Variants in KCNK9 observed in about 807,000 individuals in gnomAD.
The protein encoded by KCNK9 is potassium two pore domain channel subfamily K member 9, also known as potassium channel subfamily K member 9.
KCNK9 carries 1 observed loss-of-function variant against 10.8 expected under a neutral mutation model. The ratio of observed to expected loss-of-function variants is 0.09; its 90% CI spans 0.03 to 0.44. The LOEUF (loss-of-function observed/expected upper bound fraction) is 0.44. Among genes scored for constraint, KCNK9 ranks in the 20% least tolerant of loss-of-function variants. The pLI is 0.97. For missense variants in KCNK9, 303 were observed against 515.0 expected (o/e 0.59, Z 3.98); for synonymous variants, 231 against 222.7 (o/e 1.04, Z -0.33).
At chr8:139,677,048 A>C (rs1412493528) in intron 1 of KCNK9, among the ~76,000 whole-genome samples, 1 of 152,200 alleles carries the variant, frequency 6.6e-6, no homozygotes, top group Non-Finnish European at 1.5e-5. Context: ...CAAAGACAGG[A>C]TGAAAACCCG....
intron 1 of KCNK9, among the ~76,000 whole-genome samples, chr8:139,672,022 C>T (rs971186837): frequency 4.7e-4 from 71 of 152,326 alleles, no homozygotes; most frequent in African/African-American, 1.6e-3. Context: ...GATGCAGCAT[C>T]GGCTTGAGGC....
chr8:139,611,707 C>G (rs1044073075), downstream of KCNK9: 1 of 152,300 alleles, frequency 6.6e-6, no homozygotes, highest in African/African-American at 2.4e-5. Flanking sequence ...GCTTCCAGCC[C>G]TGTTGTATGG....
At position 139,617,880 on chromosome 8, in the gene KCNK9, C is replaced by A. The variant is rs769733900; in HGVS notation, c.*378G>T. 4 of 312,120 alleles carry A rather than the reference C, an allele frequency of 1.3e-5. No individual in the cohort carries two copies. Among genetic ancestry groups the A allele is most frequent in the Non-Finnish European group, 2.5e-5 (4 of 162,534 alleles). The allele number at this position is 312,120 out of a possible 1,614,324, so 19.3% of individuals were successfully genotyped here. On this transcript the variant is annotated 3_prime_UTR_variant, in exon 2 of 2. Coordinates refer to ENST00000520439, the MANE Select transcript of KCNK9 (RefSeq NM_001282534.2). ...ATTGAAGGCTGAGCGTGATGTGCAG[C>A]TTTGGGGTGGGTATCCTCTCAGCTC...
At chr8:139,683,597 G>T (rs2129771175) in intron 1 of KCNK9, among the ~76,000 whole-genome samples, 1 of 152,352 alleles carries the variant, frequency 6.6e-6, no homozygotes, top group African/African-American at 2.4e-5. Context: ...AGCCAGGTCT[G>T]CCCGAGGGGT....
chr8:139,628,849 C>A lies in KCNK9; in HGVS notation c.284-9750G>T, dbSNP rs572653573. 1.1e-4 allele frequency among the ~76,000 whole-genome samples: 16 copies of A among 152,330 alleles called. 1 individual carries two copies. The South Asian group carries it at 3.1e-3, about 30-fold the overall frequency. On this transcript the variant is annotated intron_variant, in intron 1 of 1. Coordinates refer to ENST00000520439, the MANE Select transcript of KCNK9 (RefSeq NM_001282534.2). ...TCTCCTCTTCTGCTCCATGTAGGGC[C>A]TTGAGTGAGGCCCCCTCAGGAGAGC...
chr8:139,652,946 T>C (rs1309319953), intron 1 of KCNK9, among the ~76,000 whole-genome samples: 5 of 152,188 alleles, frequency 3.3e-5, no homozygotes. Context: ...TTCACCATCT[T>C]CGGGGCAGGG....
chr8:139,678,633 G>A (rs182263745), intron 1 of KCNK9, among the ~76,000 whole-genome samples: 113 of 152,334 alleles, frequency 7.4e-4, no homozygotes, highest in African/African-American at 2.6e-3. Context: ...GCCTCATAGC[G>A]CTGATAGAAA....
At chr8:139,699,861 C>G (rs1817157902) in intron 1 of KCNK9, among the ~76,000 whole-genome samples, 3 of 152,220 alleles carry the variant, frequency 2.0e-5, no homozygotes, top group African/African-American at 7.2e-5. Context: ...CGTGGCCGCC[C>G]AGCACCAGCG....
chr8:139,658,738 C>A (rs1225632807), intron 1 of KCNK9, among the ~76,000 whole-genome samples: 2 of 152,242 alleles, frequency 1.3e-5, no homozygotes, highest in Admixed American at 1.3e-4. Context: ...AGCTGAGAGG[C>A]CTGGACTTCC....
At chr8:139,623,991 C>T (rs150847079) in intron 1 of KCNK9, among the ~76,000 whole-genome samples, 4 of 152,132 alleles carry the variant, frequency 2.6e-5, no homozygotes, top group Non-Finnish European at 4.4e-5. Flanking sequence ...ACAACCGCCC[C>T]GCAAGAGGCC....
chr8:139,647,104 A>G (rs1815712120), intron 1 of KCNK9, among the ~76,000 whole-genome samples: 1 of 152,218 alleles, frequency 6.6e-6, no homozygotes, highest in African/African-American at 2.4e-5. Context: ...CTGAGGCTGG[A>G]AGGCAGGAGC....
At chr8:139,605,767 A>C (rs2257733) in intron 2 of KCNK9, among the ~76,000 whole-genome samples, 8,544 of 152,350 alleles carry the variant, frequency 0.056, 734 homozygotes, top group East Asian at 0.39. Context: ...TTACAAAAGA[A>C]AGATGCAAAC....
chr8:139,627,191 T>C (rs1194473161), intron 1 of KCNK9, among the ~76,000 whole-genome samples: 3 of 152,192 alleles, frequency 2.0e-5, no homozygotes, highest in South Asian at 2.1e-4. Flanking sequence ...CCTCCTCCAG[T>C]GGCACAGCAC....
chr8:139,618,199 A>G lies in KCNK9; in HGVS notation c.*59T>C, dbSNP rs924816625. ...TAAATAAGAAAAGACGAGTTGGACC[A>G]ATGGAAATTAACACCAACTATGACA... On this transcript the variant is annotated 3_prime_UTR_variant, in exon 2 of 2. Coordinates refer to ENST00000520439, the MANE Select transcript of KCNK9 (RefSeq NM_001282534.2). This position sits in a 1 kb window ranked among gnomAD's most constrained non-coding sequence, Gnocchi z 7.9. The G allele has an allele frequency of 8.1e-6, 13 of 1,603,598 alleles. No individual in the cohort carries two copies. The South Asian group carries it at 1.4e-4, about 18-fold the overall frequency.
downstream of KCNK9, among the ~76,000 whole-genome samples, chr8:139,614,452 C>G (rs1320268564): frequency 9.2e-5 from 14 of 152,206 alleles, no homozygotes. Flanking sequence ...TGCCTGAATG[C>G]AGGCATTCCC....
rs1491382209 is a variant in KCNK9, at chr8:139,671,528, TTA to T, written c.283+31180_283+31181del. On this transcript the variant is annotated intron_variant, in intron 1 of 1. Transcript: ENST00000520439. ...TTTAGTTTCTTTTTTTTTTTTTTTT[TTA>T]GATGGAGTCTTGCTCCGTTGCCCAG... Among the ~76,000 whole-genome samples the T allele has an allele frequency of 6.0e-3, 840 of 140,760 alleles. 9 individuals are homozygous for T. The highest frequency in any genetic ancestry group is 8.9e-3 in the South Asian group (37 of 4,162). The allele number at this position is 140,760 out of a possible 152,430, so 92.3% of individuals were successfully genotyped here.
intron 2 of KCNK9, among the ~76,000 whole-genome samples, chr8:139,605,553 G>C (rs1483687314): frequency 6.6e-6 from 1 of 152,204 alleles, no homozygotes; most frequent in Non-Finnish European, 1.5e-5. Flanking sequence ...TCAGAATGTG[G>C]TTTACAGGCA....
At chr8:139,606,770 C>G (rs986738997) in intron 2 of KCNK9, among the ~76,000 whole-genome samples, 1 of 152,204 alleles carries the variant, frequency 6.6e-6, no homozygotes, top group Non-Finnish European at 1.5e-5. Context: ...CTCTGTTTAA[C>G]TGTAAGCCGC....
At chr8:139,649,479 C>T (rs1236060288) in intron 1 of KCNK9, among the ~76,000 whole-genome samples, 1 of 152,162 alleles carries the variant, frequency 6.6e-6, no homozygotes, top group Non-Finnish European at 1.5e-5. Flanking sequence ...CACATGCTGC[C>T]CCTCACTGGG....
Sources: allele counts gnomAD v4.1 joint callset (sites outside exome capture counted in the v4.1 genomes callset), GRCh38; gene constraint gnomAD v4.1.1; non-coding constraint Gnocchi (gnomAD v3.1); transcripts MANE v1.5; gene names NCBI Gene and HGNC (gene_info 2026-07-23, HGNC 2026-07-21).